The following DENND1B variants were observed in gnomAD, a reference collection of about 807,000 sequenced individuals.
The protein encoded by DENND1B is DENN domain containing 1B.
A neutral mutation model predicts 90.1 loss-of-function variants in DENND1B; 59 were observed. That is an observed-to-expected ratio of 0.65 (90% CI 0.53 to 0.81). DENND1B has a LOEUF of 0.81. Among genes scored for constraint, DENND1B ranks in the 40% least tolerant of loss-of-function variants. The probability of loss-of-function intolerance (pLI) is 0.00; values close to 1 mark genes in which losing one functional copy is unlikely to be tolerated. For synonymous variants in DENND1B, 337 were observed against 324.6 expected, an observed-to-expected ratio of 1.04 and a Z score of -0.41; for missense variants, 862 against 912.6, an observed-to-expected ratio of 0.94 and a Z score of 0.71.
At chr1:197,721,709 T>C (rs964150028) in intron 2 of DENND1B, among the ~76,000 whole-genome samples, 7 of 152,120 alleles carry the variant, frequency 4.6e-5, no homozygotes, top group African/African-American at 1.7e-4. Context: ...AGACTTGATA[T>C]GACAACAAAT....
intron 20 of DENND1B, among the ~76,000 whole-genome samples, chr1:197,523,071 A>G (rs1178163896): frequency 1.3e-5 from 2 of 152,224 alleles, no homozygotes; most frequent in East Asian, 1.9e-4. Context: ...GGAGCAGTAC[A>G]GGAGACTGAA....
In DENND1B at chr1:197,647,055, C is replaced by G; in HGVS notation, c.507G>C (p.Pro169=). 3 of 1,466,598 alleles carry G rather than the reference C, an allele frequency of 2.0e-6. No individual in the cohort carries two copies. The highest frequency in any genetic ancestry group is 1.5e-5 in the South Asian group (1 of 68,106). 90.8% of individuals were successfully genotyped at this position (1,466,598 alleles called of 1,614,324 possible). A position where few individuals can be genotyped will look rare whatever the true frequency, so the allele number is the denominator to read the frequency against. Residue 169 remains proline (P), a splice_region_variant and synonymous_variant, in exon 8 of 23, where the codon CCG becomes CCC. Transcript: ENST00000620048. ...QVLKDQPALV[P]HSYFIAPDVT... is the part of the protein sequence containing the mutation. The stretch of plus-strand genomic sequence containing the variant: ...AGAAGCCAATGTCCTTTTAACTCAC[C>G]GGTACTAGAGCAGGCTGATCTTTCA...
intron 6 of DENND1B, among the ~76,000 whole-genome samples, chr1:197,654,599 G>T (rs577297172): frequency 4.0e-5 from 6 of 150,350 alleles, no homozygotes; most frequent in Non-Finnish European, 7.4e-5. Context: ...GACAGAGCGT[G>T]ACTCCGTCTC....
intron 10 of DENND1B, among the ~76,000 whole-genome samples, chr1:197,642,254 C>A (rs528042016): frequency 1.7e-4 from 26 of 152,204 alleles, no homozygotes; most frequent in Admixed American, 1.6e-3. Flanking sequence ...TGCTCTAAAT[C>A]AAACTATTAT....
Position 197,527,778 on chromosome 1 carries a change from C to T in DENND1B, c.1515+12186G>A, listed in dbSNP as rs186502995. On this transcript the variant is annotated intron_variant, in intron 20 of 22. Coordinates refer to ENST00000620048, the MANE Select transcript of DENND1B (RefSeq NM_001195215.2). The stretch of plus-strand genomic sequence containing the variant: ...GTATTCTTTCTAATTTTCTGCCCCA[C>T]TCTCACCCCATGTAACAACTATCTT... Among the ~76,000 whole-genome samples the T allele has an allele frequency of 3.9e-5, 6 of 152,214 alleles. No individual in the cohort carries two copies. The East Asian group carries it at 1.2e-3, about 29-fold the overall frequency.
chr1:197,544,978 G>GGA (rs1670669189), intron 18 of DENND1B, among the ~76,000 whole-genome samples: 2 of 39,130 alleles, frequency 5.1e-5, no homozygotes, highest in South Asian at 1.5e-3. Context: ...GGAGGAAGGA[G>GGA]GAAGGGGAAG....
At chr1:197,775,989 G>T (rs112079529), upstream of DENND1B, among the ~76,000 whole-genome samples, 5 of 152,182 alleles carry the variant, frequency 3.3e-5, no homozygotes, top group Non-Finnish European at 7.3e-5. Flanking sequence ...CTGCTAAATA[G>T]CCCTGTCAAG....
chr1:197,578,041 G>C (rs953080583), intron 15 of DENND1B, among the ~76,000 whole-genome samples: 146 of 152,198 alleles, frequency 9.6e-4, no homozygotes, highest in African/African-American at 3.4e-3. Context: ...ATAAAGCAAG[G>C]ATAGTTGGTA....
At chr1:197,567,703 A>G (rs1337914897) in intron 15 of DENND1B, among the ~76,000 whole-genome samples, 1 of 152,168 alleles carries the variant, frequency 6.6e-6, no homozygotes, top group African/African-American at 2.4e-5. Flanking sequence ...AACAGAATAA[A>G]CGGCAAAAAC....
chr1:197,625,913 A>G (rs1269944526), intron 10 of DENND1B, among the ~76,000 whole-genome samples: 1 of 152,184 alleles, frequency 6.6e-6, no homozygotes, highest in Non-Finnish European at 1.5e-5. Flanking sequence ...CAGAGATCAA[A>G]AGAGACAAAG....
At chr1:197,574,069 T>C (rs994156604) in intron 15 of DENND1B, among the ~76,000 whole-genome samples, 1 of 152,148 alleles carries the variant, frequency 6.6e-6, no homozygotes, top group Admixed American at 6.5e-5. Flanking sequence ...CTATTCAACA[T>C]AGTGTTGGTA....
chr1:197,551,041 C>T (rs149955454), intron 16 of DENND1B, among the ~76,000 whole-genome samples: 2 of 150,998 alleles, frequency 1.3e-5, no homozygotes, highest in East Asian at 2.0e-4. Flanking sequence ...ATGTGAATGA[C>T]GTATGTTTGG....
At chr1:197,741,960 C>T (rs1431305158) in intron 2 of DENND1B, among the ~76,000 whole-genome samples, 1 of 152,024 alleles carries the variant, frequency 6.6e-6, no homozygotes, top group African/African-American at 2.4e-5. Flanking sequence ...AGGATAGCTA[C>T]TGAACCTAAC....
intron 16 of DENND1B, chr1:197,552,532 G>T (rs192194965): frequency 1.0e-6 from 1 of 985,476 alleles, no homozygotes; most frequent in Non-Finnish European, 1.2e-6. Context: ...ATGCTGCAGT[G>T]ATCTATAAAG....
At chr1:197,702,359 T>C (rs910256335) in intron 3 of DENND1B, among the ~76,000 whole-genome samples, 1 of 152,210 alleles carries the variant, frequency 6.6e-6, no homozygotes, top group African/African-American at 2.4e-5. Flanking sequence ...GGGTATGTTT[T>C]TTCCAAATGT....
intron 3 of DENND1B, among the ~76,000 whole-genome samples, chr1:197,698,449 C>T (rs1023265192): frequency 1.3e-5 from 2 of 151,996 alleles, no homozygotes; most frequent in Non-Finnish European, 2.9e-5. Context: ...TAAATGGCCA[C>T]ATCAGAAAGC....
At chr1:197,534,672 A>G (rs1669750029) in intron 20 of DENND1B, among the ~76,000 whole-genome samples, 2 of 152,208 alleles carry the variant, frequency 1.3e-5, no homozygotes, top group Non-Finnish European at 2.9e-5. Context: ...ATACAGTTTA[A>G]TCTTTTTAAG....
chr1:197,656,192 C>T (rs1653804797), intron 6 of DENND1B, among the ~76,000 whole-genome samples: 1 of 151,750 alleles, frequency 6.6e-6, no homozygotes, highest in African/African-American at 2.4e-5. Flanking sequence ...CTGAAATACC[C>T]ATAAATAGTA....
chr1:197,584,974 T>C (rs930758604), intron 14 of DENND1B, among the ~76,000 whole-genome samples: 1 of 152,198 alleles, frequency 6.6e-6, no homozygotes, highest in African/African-American at 2.4e-5. Flanking sequence ...ACCTAGCCTA[T>C]TATTGCCAAT....
Sources: gnomAD v4.1 joint callset for allele counts (sites outside exome capture counted in the v4.1 genomes callset) on GRCh38, gnomAD v4.1.1 for gene constraint, MANE v1.5 for transcripts, NCBI Gene and HGNC (gene_info 2026-07-23, HGNC 2026-07-21) for gene names.